Variants in SGMS2 observed in about 807,000 individuals in gnomAD.
SGMS2 encodes phosphatidylcholine:ceramide cholinephosphotransferase 2.
A neutral mutation model predicts 43.8 loss-of-function variants in SGMS2; 21 were observed. The ratio of observed to expected loss-of-function variants is 0.48; its 90% CI spans 0.34 to 0.69. SGMS2 has a LOEUF of 0.69. Among genes scored for constraint, SGMS2 ranks in the 30% least tolerant of loss-of-function variants. The pLI is 0.01. For missense variants in SGMS2, 384 were observed against 443.2 expected, an observed-to-expected ratio of 0.87 and a Z score of 1.20; for synonymous variants, 167 against 160.6, an observed-to-expected ratio of 1.04 and a Z score of -0.30.
At chr4:107,901,918 T>C (rs1731142862) in intron 4 of SGMS2, among the ~76,000 whole-genome samples, 1 of 151,826 alleles carries the variant, frequency 6.6e-6, no homozygotes, top group South Asian at 2.1e-4. Flanking sequence ...CTTTTTTTTT[T>C]TTTTCTGAGA....
At chr4:107,877,913 C>CTTTTTTTTTTTTTTTTTTTTTTTTTTTTT (rs774442653) in intron 2 of SGMS2, among the ~76,000 whole-genome samples, 1 of 102,178 alleles carries the variant, frequency 9.8e-6, no homozygotes, top group Admixed American at 1.1e-4. Context: ...TTTTTCTTTT[C>CTTTTTTTTTTTTTTTTTTTTTTTTTTTTT]TTTTTTTTTT....
chr4:107,857,531 G>GATATATATATATAT (rs112123351), intron 1 of SGMS2, among the ~76,000 whole-genome samples: 2 of 144,880 alleles, frequency 1.4e-5, no homozygotes, highest in African/African-American at 5.0e-5. Context: ...GTAGTTAAAA[G>GATATATATATATAT]ATATATATAT....
At chr4:107,869,102 G>A (rs2126051909) in intron 2 of SGMS2, among the ~76,000 whole-genome samples, 1 of 152,280 alleles carries the variant, frequency 6.6e-6, no homozygotes, top group South Asian at 2.1e-4. Flanking sequence ...TTAAGAAGCA[G>A]AAAGTTATAA....
chr4:107,883,710 C>T (rs898408830), intron 2 of SGMS2, among the ~76,000 whole-genome samples: 1 of 152,120 alleles, frequency 6.6e-6, no homozygotes, highest in African/African-American at 2.4e-5. Flanking sequence ...CCAATTTTCC[C>T]TTATATGTAA....
Position 107,895,733 on chromosome 4 carries a change from C to A in SGMS2, c.180C>A (p.Ile60=). The stretch of plus-strand genomic sequence containing the variant: ...GCACCAAAAAGTACCCGGACTATAT[C>A]CAAATTGCTATGCCCACTGAATCAA... ...RKGTKKYPDY[I]QIAMPTESRN... The change falls in exon 3 of 7, where the codon ATC becomes ATA. Residue 60 remains isoleucine (I), a synonymous_variant. Transcript: ENST00000690982. 1 of 1,613,932 alleles carries A rather than the reference C, an allele frequency of 6.2e-7. No individual in the cohort carries two copies. The highest frequency in any genetic ancestry group is 8.5e-7 in the Non-Finnish European group (1 of 1,179,960).
intron 2 of SGMS2, among the ~76,000 whole-genome samples, chr4:107,878,423 A>C (rs760801553): frequency 6.6e-6 from 1 of 152,096 alleles, no homozygotes; most frequent in African/African-American, 2.4e-5. Context: ...AACTTTGAGA[A>C]CCTCTCATCT....
intron 2 of SGMS2, among the ~76,000 whole-genome samples, chr4:107,866,705 C>T (rs191349636): frequency 2.3e-3 from 344 of 152,124 alleles, no homozygotes; most frequent in Non-Finnish European, 4.2e-3. Flanking sequence ...AATAAATTAC[C>T]TTACCCTATT....
At chr4:107,843,154 G>A (rs922677271) in intron 1 of SGMS2, among the ~76,000 whole-genome samples, 1 of 150,902 alleles carries the variant, frequency 6.6e-6, no homozygotes, top group Non-Finnish European at 1.5e-5. Flanking sequence ...TTAGGGTTGG[G>A]TATAGACTCA....
intron 6 of SGMS2, among the ~76,000 whole-genome samples, chr4:107,908,934 A>G (rs1731848172): frequency 6.6e-6 from 1 of 152,224 alleles, no homozygotes; most frequent in East Asian, 1.9e-4. Context: ...CCATAAAGTT[A>G]TGGAGCACAG....
chr4:107,903,501 A>ATG, intron 5 of SGMS2, 115 bp downstream of exon 5: 2 of 858,008 alleles, frequency 2.3e-6, no homozygotes, highest in Non-Finnish European at 3.7e-6. Context: ...AAAGAGACGG[A>ATG]TGTGTGTGTA....
intron 1 of SGMS2, among the ~76,000 whole-genome samples, chr4:107,836,115 T>G (rs1442886455): frequency 1.3e-5 from 2 of 152,236 alleles, no homozygotes; most frequent in African/African-American, 4.8e-5. Context: ...TTTACATTCT[T>G]TTCCAAGCCT....
intron 1 of SGMS2, among the ~76,000 whole-genome samples, chr4:107,851,098 C>G (rs1032840964): frequency 3.3e-5 from 5 of 152,140 alleles, no homozygotes; most frequent in Non-Finnish European, 7.4e-5. Context: ...CTTGAAAAAA[C>G]TTTGCTTTGT....
At chr4:107,896,760 A>G (rs1730705697) in intron 3 of SGMS2, among the ~76,000 whole-genome samples, 1 of 152,166 alleles carries the variant, frequency 6.6e-6, no homozygotes, top group African/African-American at 2.4e-5. Flanking sequence ...GACACTTAAG[A>G]ATTGGACATA....
chr4:107,858,142 GTCT>G (rs1386618425), intron 1 of SGMS2, among the ~76,000 whole-genome samples: 1 of 152,130 alleles, frequency 6.6e-6, no homozygotes, highest in Non-Finnish European at 1.5e-5. Context: ...ACATTGACTG[GTCT>G]TCTTGTTTAT....
rs1207553920 is a variant in SGMS2, at chr4:107,911,749, G to C, written c.*1196G>C. The C allele has an allele frequency of 6.6e-6, 1 of 152,168 alleles. No individual in the cohort carries two copies. Among genetic ancestry groups the C allele is most frequent in the African/African-American group, 2.4e-5 (1 of 41,430 alleles). 9.4% of individuals were successfully genotyped at this position (152,168 alleles called of 1,614,324 possible). ...TCTCGGAATCAGTGTGTTAGTTACA[G>C]CTATACAGTGAAGGGGGATAACTGT... On this transcript the variant is annotated 3_prime_UTR_variant, in exon 7 of 7. Coordinates refer to ENST00000690982, the MANE Select transcript of SGMS2 (RefSeq NM_001375905.1).
At chr4:107,827,724 AC>A (rs1222901836) in intron 1 of SGMS2, among the ~76,000 whole-genome samples, 3 of 152,162 alleles carry the variant, frequency 2.0e-5, no homozygotes, top group Non-Finnish European at 4.4e-5. Flanking sequence ...AGTGGCTCAC[AC>A]CTGTAATTCC....
chr4:107,880,269 A>G (rs1729238537), intron 2 of SGMS2, among the ~76,000 whole-genome samples: 1 of 152,226 alleles, frequency 6.6e-6, no homozygotes, highest in African/African-American at 2.4e-5. Flanking sequence ...ATACTAAAAA[A>G]GATATAGGAC....
intron 2 of SGMS2, among the ~76,000 whole-genome samples, chr4:107,889,905 A>G (rs1730064104): frequency 6.6e-6 from 1 of 152,218 alleles, no homozygotes; most frequent in Non-Finnish European, 1.5e-5. Flanking sequence ...AATTTTATTT[A>G]GAGACTACCT....
intron 2 of SGMS2, among the ~76,000 whole-genome samples, chr4:107,892,286 T>C (rs1730296345): frequency 7.0e-6 from 1 of 143,064 alleles, no homozygotes; most frequent in African/African-American, 2.6e-5. Context: ...ACTTTAGATC[T>C]CAACCAGAAT....
Sources: allele counts gnomAD v4.1 joint callset (sites outside exome capture counted in the v4.1 genomes callset), GRCh38; gene constraint gnomAD v4.1.1; transcripts MANE v1.5; gene names NCBI Gene and HGNC (gene_info 2026-07-23, HGNC 2026-07-21).